Variants in PHKA1 observed in about 807,000 individuals in gnomAD.
The protein encoded by PHKA1 is phosphorylase kinase regulatory subunit alpha 1, also known as phosphorylase b kinase regulatory subunit alpha, skeletal muscle isoform.
A neutral mutation model predicts 110.2 loss-of-function variants in PHKA1; 60 were observed. That is an observed-to-expected ratio of 0.54 (90% CI 0.44 to 0.68). PHKA1 has a LOEUF of 0.68. PHKA1 is among the 30% of genes least tolerant of loss of function. The pLI, the probability that PHKA1 is intolerant of heterozygous loss-of-function variation, is 0.00. For missense variants in PHKA1, 801 were observed against 942.5 expected, an observed-to-expected ratio of 0.85 and a Z score of 1.97; for synonymous variants, 316 against 333.6, an observed-to-expected ratio of 0.95 and a Z score of 0.58.
At chrX:72,622,231 T>G in intron 18 of PHKA1, 2 of 754,283 alleles carry the variant, frequency 2.7e-6, no homozygotes, top group Non-Finnish European at 3.1e-6. Flanking sequence ...TCCTTCTGAC[T>G]GCTAATGTGT....
At chrX:72,603,805 A>T (rs782013096) in intron 25 of PHKA1, among the ~76,000 whole-genome samples, 1 of 111,406 alleles carries the variant, frequency 9.0e-6, no homozygotes, top group South Asian at 3.8e-4. Context: ...TTTGGGAGTG[A>T]TGGAACATGA....
At chrX:72,702,207 G>C (rs1424746753) in intron 3 of PHKA1, among the ~76,000 whole-genome samples, 1 of 111,246 alleles carries the variant, frequency 9.0e-6, no homozygotes, top group Admixed American at 9.5e-5. Context: ...CAGCACTTTG[G>C]GAGGCCGAGG....
intron 19 of PHKA1, among the ~76,000 whole-genome samples, chrX:72,619,895 C>G (rs933573097): frequency 5.4e-5 from 6 of 111,889 alleles, no homozygotes; most frequent in Non-Finnish European, 1.1e-4. Flanking sequence ...ACTGTTCAAG[C>G]AAGTAAGTAG....
intron 2 of PHKA1, among the ~76,000 whole-genome samples, chrX:72,711,115 C>A (rs1461333207): frequency 1.8e-5 from 2 of 109,746 alleles, no homozygotes; most frequent in Non-Finnish European, 3.8e-5. Context: ...CCCGCCTCGG[C>A]CTCCCAAAGT....
intron 13 of PHKA1, among the ~76,000 whole-genome samples, chrX:72,648,971 T>C (rs1206343244): frequency 9.0e-6 from 1 of 111,358 alleles, no homozygotes; most frequent in Non-Finnish European, 1.9e-5. Context: ...TAAAATCTAG[T>C]TCTATGGCAG....
intron 23 of PHKA1, among the ~76,000 whole-genome samples, chrX:72,608,516 G>A (rs1219817182): frequency 1.8e-5 from 2 of 111,331 alleles, no homozygotes; most frequent in Non-Finnish European, 3.8e-5. Context: ...TGCAGTCCTT[G>A]TGGCCTAGAC....
At chrX:72,710,069 T>G (rs782646032) in intron 2 of PHKA1, among the ~76,000 whole-genome samples, 1 of 106,100 alleles carries the variant, frequency 9.4e-6, no homozygotes, top group East Asian at 3.0e-4. Context: ...AAAAAAAGCT[T>G]CTCAAAGTAC....
intron 5 of PHKA1, among the ~76,000 whole-genome samples, chrX:72,680,666 G>A (rs1200827593): frequency 5.6e-5 from 6 of 107,933 alleles, no homozygotes; most frequent in African/African-American, 2.1e-4. Flanking sequence ...GGGGCAGTGC[G>A]GAGCCAGGAC....
At chrX:72,622,802 T>C in intron 18 of PHKA1, 1 of 752,614 alleles carries the variant, frequency 1.3e-6, no homozygotes, top group Non-Finnish European at 1.6e-6. Flanking sequence ...ACTTGATTAA[T>C]CATCTCTCAC....
intron 21 of PHKA1, among the ~76,000 whole-genome samples, chrX:72,615,129 C>T (rs1265105742): frequency 4.6e-5 from 5 of 107,568 alleles, no homozygotes; most frequent in Non-Finnish European, 3.9e-5. Flanking sequence ...AGGTATTCAA[C>T]GTGCTGAAGG....
At chrX:72,664,757 CAA>C (rs1431132056) in intron 8 of PHKA1, among the ~76,000 whole-genome samples, 1 of 111,487 alleles carries the variant, frequency 9.0e-6, no homozygotes, top group African/African-American at 3.3e-5. Flanking sequence ...AAATCAATAA[CAA>C]GAGAAACTTT....
intron 13 of PHKA1, among the ~76,000 whole-genome samples, chrX:72,649,305 T>C (rs907435711): frequency 9.0e-6 from 1 of 111,516 alleles, no homozygotes; most frequent in African/African-American, 3.3e-5. Context: ...GATTGTGATG[T>C]TAGAGAGTAA....
At chrX:72,705,318 A>G in intron 2 of PHKA1, 73 bp from the exon 3 acceptor site, 1 of 758,425 alleles carries the variant, frequency 1.3e-6, no homozygotes, top group Non-Finnish European at 2.0e-6. Context: ...GCAACTGCAG[A>G]TGGTACATGA....
intron 21 of PHKA1, among the ~76,000 whole-genome samples, chrX:72,614,759 T>C (rs1289955708): frequency 1.8e-5 from 2 of 111,035 alleles, no homozygotes; most frequent in Non-Finnish European, 3.8e-5. Flanking sequence ...GTTGATGCTG[T>C]AGCGAGAGGC....
At chrX:72,682,343 G>C (rs1303676972) in intron 5 of PHKA1, among the ~76,000 whole-genome samples, 3 of 106,248 alleles carry the variant, frequency 2.8e-5, no homozygotes, top group African/African-American at 1.0e-4. Flanking sequence ...GAGGTGGGGG[G>C]GTCAGCCCCC....
chrX:72,680,466 C>T (rs1194838538), intron 5 of PHKA1, among the ~76,000 whole-genome samples: 2 of 112,913 alleles, frequency 1.8e-5, no homozygotes, highest in East Asian at 5.6e-4. Context: ...AAAACATCTG[C>T]CATCATAAAA....
intron 28 of PHKA1, among the ~76,000 whole-genome samples, chrX:72,599,225 A>G (rs1305994089): frequency 9.0e-6 from 1 of 111,656 alleles, no homozygotes; most frequent in African/African-American, 3.2e-5. Context: ...ATAATTTTCC[A>G]TTTTTTGTTT....
rs189449309 is a variant in PHKA1 at position 72,693,439 on chromosome X, G to A, written c.454+2269C>T. 2.7e-5 allele frequency among the ~76,000 whole-genome samples: 3 copies of A among 112,077 alleles called. No homozygotes were observed. The East Asian group carries it at 8.4e-4, about 31-fold the overall frequency. On this transcript the variant is annotated intron_variant, in intron 4 of 31. Coordinates refer to ENST00000373542, the MANE Select transcript of PHKA1 (RefSeq NM_002637.4). Reference sequence around the variant, plus strand: ...AGCTACAGAGCTTTGTGTCCTTACAGCCTGCCTCTCTCCCCAGCAAAATTT... The same window carrying A: ...AGCTACAGAGCTTTGTGTCCTTACAACCTGCCTCTCTCCCCAGCAAAATTT...
At chrX:72,661,743 CAAAAA>C (rs782779792) in intron 8 of PHKA1, among the ~76,000 whole-genome samples, 1 of 33,110 alleles carries the variant, frequency 3.0e-5, no homozygotes. Flanking sequence ...AATGTACTGA[CAAAAA>C]AAAAAAAAAA....
Sources: gnomAD v4.1 joint callset for allele counts (sites outside exome capture counted in the v4.1 genomes callset) on GRCh38, gnomAD v4.1.1 for gene constraint, MANE v1.5 for transcripts, NCBI Gene and HGNC (gene_info 2026-07-23, HGNC 2026-07-21) for gene names.